DLG2: variants seen among roughly 807,000 people sequenced by gnomAD.
DLG2 encodes the protein disks large homolog 2.
Under a neutral mutation model 132.5 loss-of-function variants are expected in DLG2, and 45 were observed. The observed-to-expected ratio is 0.34, with a 90% CI of 0.27 to 0.44. The LOEUF is 0.44. Among genes scored for constraint, DLG2 ranks in the 20% least tolerant of loss-of-function variants. The pLI, the probability that DLG2 is intolerant of heterozygous loss-of-function variation, is 1.00. For missense variants in DLG2, 1,045 were observed against 1,196.9 expected, an observed-to-expected ratio of 0.87 and a Z score of 1.87; for synonymous variants, 424 against 419.6, an observed-to-expected ratio of 1.01 and a Z score of -0.13.
At chr11:84,645,306 G>A (rs1314606944) in intron 6 of DLG2, among the ~76,000 whole-genome samples, 1 of 152,040 alleles carries the variant, frequency 6.6e-6, no homozygotes, top group Non-Finnish European at 1.5e-5. Flanking sequence ...AATATGTCAA[G>A]TAACTATCAA....
At chr11:84,158,183 C>A (rs2095471810) in intron 9 of DLG2, among the ~76,000 whole-genome samples, 1 of 152,016 alleles carries the variant, frequency 6.6e-6, no homozygotes, top group Non-Finnish European at 1.5e-5. Flanking sequence ...CCTGCCTCAG[C>A]CTCCTGAGTA....
intron 6 of DLG2, among the ~76,000 whole-genome samples, chr11:84,847,174 A>G (rs2081575553): frequency 6.6e-6 from 1 of 152,230 alleles, no homozygotes; most frequent in African/African-American, 2.4e-5. Context: ...AAACAAAAAT[A>G]TAAAATATAT....
chr11:85,018,453 T>C (rs2154138534), intron 6 of DLG2, among the ~76,000 whole-genome samples: 1 of 147,792 alleles, frequency 6.8e-6, no homozygotes, highest in South Asian at 2.3e-4. Flanking sequence ...ATAAAATCAG[T>C]TAGAAAGCTA....
At chr11:85,141,881 T>G (rs1243184629) in intron 5 of DLG2, among the ~76,000 whole-genome samples, 1 of 151,968 alleles carries the variant, frequency 6.6e-6, no homozygotes, top group Non-Finnish European at 1.5e-5. Flanking sequence ...ATGGATTTAT[T>G]TTTGCATTCT....
At chr11:83,718,434 G>C (rs887461404) in intron 18 of DLG2, among the ~76,000 whole-genome samples, 1 of 143,558 alleles carries the variant, frequency 7.0e-6, no homozygotes, top group Non-Finnish European at 1.5e-5. Context: ...TGAGGCAGGA[G>C]AATTGCTTGA....
At chr11:84,505,012 A>G (rs2099234737) in intron 7 of DLG2, among the ~76,000 whole-genome samples, 1 of 152,128 alleles carries the variant, frequency 6.6e-6, no homozygotes, top group South Asian at 2.1e-4. Context: ...TTTTACGTCA[A>G]ATTAGTTCAA....
chr11:83,909,584 C>T (rs114934214), intron 15 of DLG2, among the ~76,000 whole-genome samples: 2,891 of 152,116 alleles, frequency 0.019, 104 homozygotes, highest in African/African-American at 0.066. Context: ...AGAGAAACTA[C>T]GGATTGTTAT....
intron 8 of DLG2, among the ~76,000 whole-genome samples, chr11:84,250,493 C>G (rs1401622147): frequency 1.3e-5 from 2 of 152,218 alleles, no homozygotes; most frequent in African/African-American, 4.8e-5. Flanking sequence ...TTCATACCCC[C>G]TGTCTAGCAT....
chr11:85,141,892 C>T (rs1253890547), intron 5 of DLG2, among the ~76,000 whole-genome samples: 1 of 151,810 alleles, frequency 6.6e-6, no homozygotes, highest in Non-Finnish European at 1.5e-5. Flanking sequence ...TTTGCATTCT[C>T]TATTCTGTTC....
At chr11:84,784,370 T>TAAATAAATAAATAAATA (rs778698670) in intron 6 of DLG2, among the ~76,000 whole-genome samples, 2 of 134,790 alleles carry the variant, frequency 1.5e-5, no homozygotes, top group Non-Finnish European at 3.2e-5. Context: ...ATAAATAAAT[T>TAAATAAATAAATAAATA]AAACAAGAGT....
chr11:84,247,646 C>T (rs2097319963), intron 8 of DLG2, among the ~76,000 whole-genome samples: 1 of 152,108 alleles, frequency 6.6e-6, no homozygotes, highest in Non-Finnish European at 1.5e-5. Flanking sequence ...CTCAGTGACC[C>T]CTTCATTAAT....
At chr11:84,926,736 T>C (rs1317834117) in intron 6 of DLG2, among the ~76,000 whole-genome samples, 1 of 151,950 alleles carries the variant, frequency 6.6e-6, no homozygotes, top group Non-Finnish European at 1.5e-5. Context: ...CTATCCCTTG[T>C]CAGTAAATGA....
At chr11:83,673,210 G>A (rs1241620115) in intron 18 of DLG2, among the ~76,000 whole-genome samples, 2 of 152,196 alleles carry the variant, frequency 1.3e-5, no homozygotes, top group Admixed American at 1.3e-4. Context: ...GCTCATTGTT[G>A]TGCAGGGCAT....
chr11:83,709,317 A>G (rs1427165780), intron 18 of DLG2, among the ~76,000 whole-genome samples: 2 of 148,148 alleles, frequency 1.3e-5, no homozygotes, highest in East Asian at 3.9e-4. Context: ...ATATATGTAT[A>G]AAGTTATATA....
intron 3 of DLG2, among the ~76,000 whole-genome samples, chr11:85,493,676 G>A (rs1186630642): frequency 1.3e-5 from 2 of 148,926 alleles, no homozygotes; most frequent in Admixed American, 1.3e-4. Flanking sequence ...TGTCAGAGAG[G>A]AGAGAAGGGG....
In DLG2 at chr11:83,458,982, G is replaced by T. The variant is rs1032042859; in HGVS notation, c.*836C>A. 6.6e-6 allele frequency: 1 copy of T among 152,220 alleles called. No individual in the cohort carries two copies. Among genetic ancestry groups the T allele is most frequent in the Non-Finnish European group, 1.5e-5 (1 of 68,028 alleles). The allele number at this position is 152,220 out of a possible 1,614,324, so 9.4% of individuals were successfully genotyped here. A position where few individuals can be genotyped will look rare whatever the true frequency, so the allele number is the denominator to read the frequency against. ...ACAAAAGGGAGAGTGCAACTTTCAG[G>T]TCTTGAATTTGATCATCTGCTGATG... On this transcript the variant is annotated 3_prime_UTR_variant, in exon 28 of 28. Transcript: ENST00000376104.
chr11:85,339,841 C>T (rs1427230281), intron 3 of DLG2, among the ~76,000 whole-genome samples: 1 of 152,152 alleles, frequency 6.6e-6, no homozygotes, highest in African/African-American at 2.4e-5. Context: ...TATGAACAGA[C>T]ACTTCTCAAA....
chr11:83,483,311 C>A, intron 22 of DLG2: 1 of 1,610,320 alleles, frequency 6.2e-7, no homozygotes, highest in Non-Finnish European at 8.5e-7. Flanking sequence ...GCATGGAAGT[C>A]CCCAGAGAGA....
intron 15 of DLG2, among the ~76,000 whole-genome samples, chr11:83,899,385 A>C (rs140576105): frequency 6.6e-6 from 1 of 152,298 alleles, no homozygotes; most frequent in East Asian, 1.9e-4. Context: ...GGAGGTGTGA[A>C]GTGATGTTGG....
Sources: gnomAD v4.1 joint callset for allele counts (sites outside exome capture counted in the v4.1 genomes callset) on GRCh38, gnomAD v4.1.1 for gene constraint, MANE v1.5 for transcripts, NCBI Gene and HGNC (gene_info 2026-07-23, HGNC 2026-07-21) for gene names.